Variants in CCDC178 observed in about 807,000 individuals in gnomAD.
CCDC178 encodes coiled-coil domain-containing protein 178.
CCDC178 carries 126 observed loss-of-function variants against 117.4 expected under a neutral mutation model. The observed-to-expected ratio is 1.07, with a 90% CI of 0.93 to 1.24. The LOEUF (loss-of-function observed/expected upper bound fraction) is 1.24, where lower values mean the gene tolerates loss of function less well. Ranked by LOEUF, CCDC178 falls within the 50% of genes most tolerant of loss-of-function variation. The pLI is 0.00. For missense variants in CCDC178, 1,030 were observed against 986.9 expected (o/e 1.04, Z -0.59); for synonymous variants, 283 against 313.4 (o/e 0.90, Z 1.02).
intron 22 of CCDC178, among the ~76,000 whole-genome samples, chr18:32,939,372 C>A (rs1398834202): frequency 1.3e-5 from 2 of 150,880 alleles, no homozygotes; most frequent in Non-Finnish European, 3.0e-5. Flanking sequence ...TTGAAAAATC[C>A]ATCTGAATAA....
chr18:33,154,506 A>C (rs2058372828), intron 20 of CCDC178, among the ~76,000 whole-genome samples: 1 of 152,188 alleles, frequency 6.6e-6, no homozygotes, highest in Non-Finnish European at 1.5e-5. Context: ...AAAATAAGAA[A>C]TTTTAGTAGA....
At chr18:33,277,342 CA>C (rs1287486907) in intron 12 of CCDC178, among the ~76,000 whole-genome samples, 1 of 151,990 alleles carries the variant, frequency 6.6e-6, no homozygotes, top group East Asian at 1.9e-4. Flanking sequence ...ACTAGAAGTA[CA>C]AAACAATAAT....
intron 5 of CCDC178, among the ~76,000 whole-genome samples, chr18:33,379,779 G>A (rs1413571229): frequency 2.0e-5 from 3 of 152,130 alleles, no homozygotes; most frequent in African/African-American, 7.2e-5. Context: ...CACAAGAAAG[G>A]TAGGGTGGAT....
chr18:33,283,797 C>T (rs79055369), intron 12 of CCDC178, among the ~76,000 whole-genome samples: 1 of 152,166 alleles, frequency 6.6e-6, no homozygotes, highest in African/African-American at 2.4e-5. Flanking sequence ...AACGCTTATA[C>T]ACTGTTGGTG....
At chr18:33,322,740 A>G (rs2062529791) in intron 11 of CCDC178, among the ~76,000 whole-genome samples, 1 of 151,630 alleles carries the variant, frequency 6.6e-6, no homozygotes. Flanking sequence ...ATATTTAAGT[A>G]CATGTTGAAA....
chr18:33,301,581 G>T (rs890796932), intron 11 of CCDC178, among the ~76,000 whole-genome samples: 3 of 152,210 alleles, frequency 2.0e-5, no homozygotes, highest in African/African-American at 7.2e-5. Flanking sequence ...GAACTGTCAA[G>T]GTCTTAAAAA....
intron 3 of CCDC178, among the ~76,000 whole-genome samples, chr18:33,403,049 C>T (rs1466056527): frequency 6.6e-6 from 1 of 152,172 alleles, no homozygotes; most frequent in Non-Finnish European, 1.5e-5. Flanking sequence ...ACCCATATAA[C>T]CAAATCCCTT....
At chr18:32,962,206 G>A (rs748996730) in intron 22 of CCDC178, among the ~76,000 whole-genome samples, 40 of 151,514 alleles carry the variant, frequency 2.6e-4, no homozygotes, top group Admixed American at 5.3e-4. Flanking sequence ...GCTATTACTC[G>A]AATTTATTTT....
chr18:33,417,720 C>T (rs965207020), intron 2 of CCDC178, among the ~76,000 whole-genome samples: 13 of 152,032 alleles, frequency 8.6e-5, no homozygotes, highest in African/African-American at 2.9e-4. Context: ...CAGGACTTTC[C>T]TGTGTATTTC....
At chr18:32,978,175 A>ACT (rs2144704610) in intron 21 of CCDC178, among the ~76,000 whole-genome samples, 1 of 151,152 alleles carries the variant, frequency 6.6e-6, no homozygotes, top group South Asian at 2.1e-4. Flanking sequence ...TTAAGGATCA[A>ACT]CTAAGAAAGA....
rs188328723 is a variant in CCDC178 at position 33,151,164 on chromosome 18, G to A, written c.2239-58254C>T. Among the ~76,000 whole-genome samples the A allele has an allele frequency of 2.6e-5, 4 of 152,050 alleles. No homozygotes were observed. The East Asian group carries it at 7.7e-4, about 29-fold the overall frequency. ...TGTACACTGCTTGGGTGATTTTGGA[G>A]CACCAAATCTCAGAAATCACCACCA... On this transcript the variant is annotated intron_variant, in intron 20 of 22. Coordinates refer to ENST00000383096, the MANE Select transcript of CCDC178 (RefSeq NM_001105528.4).
chr18:33,222,915 T>G (rs1033379521), intron 18 of CCDC178, among the ~76,000 whole-genome samples, 191 bp downstream of exon 18: 1 of 152,094 alleles, frequency 6.6e-6, no homozygotes, highest in Admixed American at 6.6e-5. Context: ...GTGAGGAAGA[T>G]ACTGCAAGAG....
At chr18:33,072,314 A>C (rs1369274643) in intron 21 of CCDC178, among the ~76,000 whole-genome samples, 3 of 152,172 alleles carry the variant, frequency 2.0e-5, no homozygotes, top group Non-Finnish European at 2.9e-5. Flanking sequence ...ACCCTCTGAA[A>C]TCTCTTAGGA....
intron 4 of CCDC178, among the ~76,000 whole-genome samples, chr18:33,392,073 A>G (rs1599261882): frequency 6.6e-6 from 1 of 151,888 alleles, no homozygotes; most frequent in South Asian, 2.1e-4. Flanking sequence ...TCATGTTGGC[A>G]AGGCTGGTCT....
intron 22 of CCDC178, among the ~76,000 whole-genome samples, chr18:32,947,061 T>C (rs1489273038): frequency 6.6e-6 from 1 of 152,134 alleles, no homozygotes; most frequent in African/African-American, 2.4e-5. Flanking sequence ...TTCTTTTATC[T>C]GTCTATTATA....
intron 21 of CCDC178, among the ~76,000 whole-genome samples, chr18:33,050,628 T>C (rs921417659): frequency 2.0e-5 from 3 of 152,176 alleles, no homozygotes; most frequent in Non-Finnish European, 4.4e-5. Flanking sequence ...ATGGTTTATG[T>C]CAGATAAATT....
At chr18:33,294,829 G>A (rs914150706) in intron 11 of CCDC178, among the ~76,000 whole-genome samples, 3 of 152,134 alleles carry the variant, frequency 2.0e-5, no homozygotes, top group African/African-American at 7.2e-5. Flanking sequence ...CTGAGTGATG[G>A]ACAATTGCCC....
chr18:33,004,593 G>C (rs1458375821), intron 21 of CCDC178, among the ~76,000 whole-genome samples: 6 of 151,938 alleles, frequency 3.9e-5, no homozygotes, highest in Non-Finnish European at 8.8e-5. Flanking sequence ...AAGCACATAG[G>C]CAACCAAATC....
At chr18:33,311,761 C>T (rs1197301466) in intron 11 of CCDC178, among the ~76,000 whole-genome samples, 2 of 152,130 alleles carry the variant, frequency 1.3e-5, no homozygotes, top group Admixed American at 6.5e-5. Flanking sequence ...GTTGGCCCTC[C>T]AGGTATCCCC....
Sources: gnomAD v4.1 joint callset for allele counts (sites outside exome capture counted in the v4.1 genomes callset) on GRCh38, gnomAD v4.1.1 for gene constraint, MANE v1.5 for transcripts, NCBI Gene and HGNC (gene_info 2026-07-23, HGNC 2026-07-21) for gene names.